PITPNM3: variants seen among roughly 807,000 people sequenced by gnomAD.
PITPNM3 encodes PITPNM family member 3.
PITPNM3 carries 26 observed loss-of-function variants against 102.0 expected under a neutral mutation model. The observed-to-expected ratio is 0.25, with a 90% confidence interval of 0.19 to 0.35. The LOEUF is 0.35. PITPNM3 is among the 10% of genes least tolerant of loss of function. PITPNM3 has a pLI of 1.00. For missense variants in PITPNM3, 1,083 were observed against 1,346.1 expected, an observed-to-expected ratio of 0.80 and a Z score of 3.06; for synonymous variants, 578 against 558.6, an observed-to-expected ratio of 1.03 and a Z score of -0.49.
At chr17:6,542,951 C>A (rs1364271325) in intron 1 of PITPNM3, among the ~76,000 whole-genome samples, 1 of 152,150 alleles carries the variant, frequency 6.6e-6, no homozygotes, top group Admixed American at 6.5e-5. Context: ...GTCTCAGACT[C>A]CTGAGCTCAA....
At chr17:6,514,221 T>C (rs773375625) in intron 3 of PITPNM3, among the ~76,000 whole-genome samples, 1 of 151,774 alleles carries the variant, frequency 6.6e-6, no homozygotes, top group Non-Finnish European at 1.5e-5. Context: ...TTCTTACATA[T>C]GGCACCAAAA....
intron 4 of PITPNM3, among the ~76,000 whole-genome samples, chr17:6,489,192 C>A (rs560698292): frequency 4.0e-4 from 61 of 152,336 alleles, no homozygotes; most frequent in African/African-American, 1.4e-3. Context: ...CAAAGCATCA[C>A]CCCAGCTCGG....
intron 3 of PITPNM3, among the ~76,000 whole-genome samples, chr17:6,518,949 C>T: frequency 6.6e-6 from 1 of 152,174 alleles, no homozygotes; most frequent in East Asian, 1.9e-4. Context: ...AAGCCCGCTA[C>T]CGCTTGTCAC....
Position 6,476,935 on chromosome 17 carries a change from C to A in PITPNM3, c.1085+94G>T, listed in dbSNP as rs539381146. On this transcript the variant is annotated intron_variant, in intron 9 of 19. Coordinates refer to ENST00000262483, the MANE Select transcript of PITPNM3 (RefSeq NM_031220.4). ...CAGCATTTCAGTGCTTATCTATGGG[C>A]CCCCATGGAAGGGCCTGGGACATCT... 2.9e-4 allele frequency: 421 copies of A among 1,438,374 alleles called. 1 individual carries two copies. Among genetic ancestry groups the A allele is most frequent in the Non-Finnish European group, 2.3e-4 (236 of 1,044,080 alleles). The allele number at this position is 1,438,374 out of a possible 1,614,324, so 89.1% of individuals were successfully genotyped here. A position where few individuals can be genotyped will look rare whatever the true frequency, so the allele number is the denominator to read the frequency against.
At chr17:6,456,691 G>A (rs150374981) in intron 19 of PITPNM3, among the ~76,000 whole-genome samples, 519 of 152,214 alleles carry the variant, frequency 3.4e-3, no homozygotes, top group Admixed American at 6.8e-3. Context: ...CCCTCTACCC[G>A]CGGGTCACTC....
chr17:6,521,522 T>C (rs1489534501), intron 3 of PITPNM3: 3 of 151,644 alleles, frequency 2.0e-5, no homozygotes, highest in African/African-American at 4.8e-5. Flanking sequence ...ATAATAATAG[T>C]ATAATAAATA....
At chr17:6,483,444 G>T in intron 6 of PITPNM3, 73 bp downstream of exon 6, 1 of 1,427,528 alleles carries the variant, frequency 7.0e-7, no homozygotes, top group Non-Finnish European at 9.7e-7. Context: ...CGGGGTCCAT[G>T]CTGCAGGGGG....
chr17:6,495,260 C>A (rs775566785), intron 4 of PITPNM3, among the ~76,000 whole-genome samples: 2 of 151,840 alleles, frequency 1.3e-5, no homozygotes, highest in Non-Finnish European at 2.9e-5. Context: ...AAGAATTTTT[C>A]TAAGTGCATG....
At chr17:6,494,351 G>A (rs1054433198) in intron 4 of PITPNM3, among the ~76,000 whole-genome samples, 4 of 152,174 alleles carry the variant, frequency 2.6e-5, no homozygotes, top group African/African-American at 9.7e-5. Context: ...GAAAGAGTGG[G>A]AAGAGGCTAC....
chr17:6,487,758 G>A (rs1033458346), intron 4 of PITPNM3, among the ~76,000 whole-genome samples: 6 of 152,126 alleles, frequency 3.9e-5, no homozygotes, highest in East Asian at 1.9e-4. Flanking sequence ...GCTCCCTCGC[G>A]ACCCATGTGA....
At chr17:6,523,521 C>T (rs1357768208) in intron 3 of PITPNM3, among the ~76,000 whole-genome samples, 1 of 152,206 alleles carries the variant, frequency 6.6e-6, no homozygotes, top group Admixed American at 6.5e-5. Context: ...GCTCACCTGA[C>T]CGACTGCCCT....
chr17:6,490,325 A>T (rs1314463273), intron 4 of PITPNM3, among the ~76,000 whole-genome samples: 2 of 152,130 alleles, frequency 1.3e-5, no homozygotes, highest in Non-Finnish European at 1.5e-5. Context: ...GACCTCAGAC[A>T]CGCTCTGCAA....
At chr17:6,490,283 C>T (rs1444321705) in intron 4 of PITPNM3, among the ~76,000 whole-genome samples, 5 of 152,102 alleles carry the variant, frequency 3.3e-5, no homozygotes, top group African/African-American at 1.2e-4. Flanking sequence ...ATAGAGTCCT[C>T]GGATGGGAAA....
chr17:6,545,694 T>A (rs970421455), intron 1 of PITPNM3, among the ~76,000 whole-genome samples: 1 of 152,174 alleles, frequency 6.6e-6, no homozygotes, highest in Non-Finnish European at 1.5e-5. Context: ...CCAATTCCTA[T>A]TGATGCTTGA....
chr17:6,474,315 C>A, intron 10 of PITPNM3, 117 bp downstream of exon 10: 1 of 1,381,084 alleles, frequency 7.2e-7, no homozygotes, highest in Non-Finnish European at 1.0e-6. Context: ...CCACCTATCC[C>A]AACTCTGTGA....
chr17:6,551,447 G>T (rs975806871), intron 1 of PITPNM3, among the ~76,000 whole-genome samples: 1 of 152,144 alleles, frequency 6.6e-6, no homozygotes, highest in Non-Finnish European at 1.5e-5. Flanking sequence ...GGGGACCAAA[G>T]AAAGTGAGTT....
intron 1 of PITPNM3, among the ~76,000 whole-genome samples, chr17:6,553,657 G>A (rs983597087): frequency 6.6e-6 from 1 of 152,192 alleles, no homozygotes; most frequent in Non-Finnish European, 1.5e-5. Flanking sequence ...ACATCTCACA[G>A]GTCATGGTGC....
intron 1 of PITPNM3, among the ~76,000 whole-genome samples, chr17:6,540,264 T>G (rs551045859): frequency 3.9e-5 from 6 of 152,310 alleles, no homozygotes; most frequent in Non-Finnish European, 7.4e-5. Context: ...TGGACAGGAT[T>G]GGGTGCTCGC....
chr17:6,466,466 C>G (rs1432083865), intron 14 of PITPNM3, among the ~76,000 whole-genome samples: 1 of 152,174 alleles, frequency 6.6e-6, no homozygotes, highest in Non-Finnish European at 1.5e-5. Context: ...GAGGGAGCAG[C>G]TGGTTCATGA....
Sources: gnomAD v4.1 joint callset for allele counts (sites outside exome capture counted in the v4.1 genomes callset) on GRCh38, gnomAD v4.1.1 for gene constraint, MANE v1.5 for transcripts, NCBI Gene and HGNC (gene_info 2026-07-23, HGNC 2026-07-21) for gene names.